Variants in USP6NL observed in about 807,000 individuals in gnomAD.
USP6NL encodes USP6 N-terminal-like protein.
Under a neutral mutation model 61.9 loss-of-function variants are expected in USP6NL, and 26 were observed. That is an observed-to-expected ratio of 0.42 (90% CI 0.31 to 0.58). The LOEUF (loss-of-function observed/expected upper bound fraction) is 0.58, where lower values mean the gene tolerates loss of function less well. Among genes scored for constraint, USP6NL ranks in the 20% least tolerant of loss-of-function variants. The pLI, the probability that USP6NL is intolerant of heterozygous loss-of-function variation, is 0.16. For missense variants in USP6NL, 1,114 were observed against 1,034.3 expected (o/e 1.08, Z -1.06); for synonymous variants, 432 against 390.1 (o/e 1.11, Z -1.27).
chr10:11,492,528 C>A (rs1187469490), intron 8 of USP6NL, among the ~76,000 whole-genome samples: 1 of 152,248 alleles, frequency 6.6e-6, no homozygotes, highest in Non-Finnish European at 1.5e-5. Flanking sequence ...GAGGCCCAGA[C>A]TGTCCTTTCC....
chr10:11,535,380 A>C (rs1345632351), intron 2 of USP6NL, among the ~76,000 whole-genome samples: 2 of 152,232 alleles, frequency 1.3e-5, no homozygotes, highest in African/African-American at 2.4e-5. Flanking sequence ...ACTAAGAGAA[A>C]CTTAGAGAAT....
rs1245730370 is a variant in USP6NL at position 11,493,099 on chromosome 10, T to C, written c.494+20A>G. The C allele has an allele frequency of 7.7e-6, 12 of 1,554,904 alleles. No individual in the cohort carries two copies. Among genetic ancestry groups the C allele is most frequent in the Non-Finnish European group, 7.9e-6 (9 of 1,139,036 alleles). On this transcript the variant is annotated intron_variant, in intron 8 of 14. Transcript: ENST00000609104. ...ATTTATAAATGCGATTAACATTTCATAATATTAAACTTTACTCACTTAACA... is the reference window on the plus strand; with the variant it reads ...ATTTATAAATGCGATTAACATTTCACAATATTAAACTTTACTCACTTAACA...
chr10:11,580,891 G>GGAT (rs974166416), intron 2 of USP6NL, among the ~76,000 whole-genome samples: 4 of 152,054 alleles, frequency 2.6e-5, no homozygotes, highest in African/African-American at 9.6e-5. Flanking sequence ...ATGGATGGAT[G>GGAT]GATGGATGGA....
In USP6NL at chr10:11,525,114, T is replaced by A. The variant is rs536253140; in HGVS notation, c.155+272A>T. ...TATTTTTAAAATACAAATTATCCAT[T>A]TGCATTTAACTCTGTTGATTTATTA... On this transcript the variant is annotated intron_variant, in intron 4 of 14. Transcript: ENST00000609104. This position sits in a 1 kb window ranked among gnomAD's most constrained non-coding sequence, Gnocchi z 5.0. Among the ~76,000 whole-genome samples the A allele has an allele frequency of 1.1e-4, 17 of 152,230 alleles. No individual in the cohort carries two copies. Among genetic ancestry groups the A allele is most frequent in the Non-Finnish European group, 2.2e-4 (15 of 68,038 alleles).
chr10:11,477,588 G>A (rs1238812158), intron 14 of USP6NL, among the ~76,000 whole-genome samples: 7 of 152,196 alleles, frequency 4.6e-5, no homozygotes, highest in Non-Finnish European at 8.8e-5. Context: ...CACAGAGAAA[G>A]AAGGAAGGCT....
rs984256817 is a variant in USP6NL at position 11,513,875 on chromosome 10, A to G, written c.196-4200T>C. 1.3e-5 allele frequency among the ~76,000 whole-genome samples: 2 copies of G among 152,170 alleles called. No individual in the cohort carries two copies. The highest frequency in any genetic ancestry group is 2.4e-5 in the African/African-American group (1 of 41,446). ...GCATTGCCTTTGCTGGCAGGTCCCCAAAGTGCCTTGGCCTTTGTCTCTGAT... is the reference window on the plus strand; with the variant it reads ...GCATTGCCTTTGCTGGCAGGTCCCCGAAGTGCCTTGGCCTTTGTCTCTGAT... On this transcript the variant is annotated intron_variant, in intron 5 of 14. Coordinates refer to ENST00000609104, the MANE Select transcript of USP6NL (RefSeq NM_014688.5). This position sits in a 1 kb window ranked among gnomAD's most constrained non-coding sequence, Gnocchi z 4.7.
intron 2 of USP6NL, among the ~76,000 whole-genome samples, chr10:11,588,323 ATATAT>A (rs1838045950): frequency 6.6e-6 from 1 of 152,250 alleles, no homozygotes; most frequent in African/African-American, 2.4e-5. Flanking sequence ...AATAAGGATC[ATATAT>A]TAGATAAGTC....
In USP6NL at chr10:11,562,280, T is replaced by C; in HGVS notation, c.5-34713A>G. ...CCATCTCAAAAAAAAAAAAAAAAAA[T>C]TGCATTCCCAGGACCCCCCTGCAGC... On this transcript the variant is annotated intron_variant, in intron 2 of 14. Coordinates refer to ENST00000609104, the MANE Select transcript of USP6NL (RefSeq NM_014688.5). The surrounding 1 kb of genome is among the most constrained non-coding windows in gnomAD (Gnocchi z 4.8). 2 of 502,904 alleles carry C rather than the reference T, an allele frequency of 4.0e-6. No homozygotes were observed. Among genetic ancestry groups the C allele is most frequent in the Non-Finnish European group, 2.6e-6 (1 of 391,510 alleles). The allele number at this position is 502,904 out of a possible 1,614,324, so 31.2% of individuals were successfully genotyped here. A position where few individuals can be genotyped will look rare whatever the true frequency, so the allele number is the denominator to read the frequency against.
intron 3 of USP6NL, among the ~76,000 whole-genome samples, chr10:11,526,825 T>C (rs907716904): frequency 2.0e-5 from 3 of 152,182 alleles, no homozygotes; most frequent in Non-Finnish European, 4.4e-5. Flanking sequence ...ATAATTGTGA[T>C]TTTCTATAAT....
chr10:11,577,388 A>G (rs925755519), intron 2 of USP6NL, among the ~76,000 whole-genome samples: 29 of 151,726 alleles, frequency 1.9e-4, no homozygotes, highest in African/African-American at 7.0e-4. Flanking sequence ...ATCTTTCATT[A>G]GATTTATTTC....
chr10:11,555,433 A>AAAAAAAAAAAAAATAGATATATAT (rs1275798295), intron 2 of USP6NL, among the ~76,000 whole-genome samples: 1 of 49,040 alleles, frequency 2.0e-5, no homozygotes, highest in Non-Finnish European at 3.4e-5. Context: ...AAAAAAAAAA[A>AAAAAAAAAAAAAATAGATATATAT]ATATATATAT....
intron 2 of USP6NL, among the ~76,000 whole-genome samples, chr10:11,544,277 G>C (rs1490393041): frequency 6.6e-6 from 1 of 152,144 alleles, no homozygotes; most frequent in Non-Finnish European, 1.5e-5. Context: ...GGGGAGGGGA[G>C]CCTTGTCCCC....
At chr10:11,508,686 C>T (rs570589261) in intron 6 of USP6NL, among the ~76,000 whole-genome samples, 114 of 152,308 alleles carry the variant, frequency 7.5e-4, no homozygotes, top group African/African-American at 2.7e-3. Context: ...ACGTAACGAG[C>T]AGTGACGAGA....
Position 11,562,475 on chromosome 10 carries a change from A to G in USP6NL, c.5-34908T>C. The G allele has an allele frequency of 1.0e-6, 1 of 985,354 alleles. No homozygotes were observed. The highest frequency in any genetic ancestry group is 1.2e-6 in the Non-Finnish European group (1 of 829,926). The allele number at this position is 985,354 out of a possible 1,614,324, so 61.0% of individuals were successfully genotyped here. ...TCATCACGTATCTCTGAGGACAAGG[A>G]TTAAGTGTGGCTGAGGAGAAACGTG... is the stretch of plus-strand genomic sequence containing the variant. On this transcript the variant is annotated intron_variant, in intron 2 of 14. Coordinates refer to ENST00000609104, the MANE Select transcript of USP6NL (RefSeq NM_014688.5). This position sits in a 1 kb window ranked among gnomAD's most constrained non-coding sequence, Gnocchi z 4.8.
intron 2 of USP6NL, among the ~76,000 whole-genome samples, chr10:11,531,254 T>A (rs1184199254): frequency 1.3e-5 from 2 of 152,192 alleles, no homozygotes; most frequent in Non-Finnish European, 2.9e-5. Flanking sequence ...TAATTGTAGC[T>A]GAAGAAAAAG....
chr10:11,507,248 G>T (rs140076523), intron 6 of USP6NL, among the ~76,000 whole-genome samples: 49 of 152,302 alleles, frequency 3.2e-4, no homozygotes, highest in Admixed American at 1.1e-3. Context: ...GAGATTAAAG[G>T]ATAGGTGCAA....
chr10:11,578,794 C>A (rs77367589), intron 2 of USP6NL, among the ~76,000 whole-genome samples: 4,847 of 152,240 alleles, frequency 0.032, 113 homozygotes, highest in Non-Finnish European at 0.052. Context: ...TTAAAAGCTA[C>A]AATAAAAACC....
At chr10:11,536,836 C>T (rs1835853859) in intron 2 of USP6NL, among the ~76,000 whole-genome samples, 1 of 152,182 alleles carries the variant, frequency 6.6e-6, no homozygotes, top group Admixed American at 6.5e-5. Flanking sequence ...CATCTTGCTC[C>T]CCCTATTAGC....
chr10:11,489,344 C>A lies in USP6NL; in HGVS notation c.544-122G>T. On this transcript the variant is annotated intron_variant, in intron 9 of 14. Transcript: ENST00000609104. The surrounding 1 kb of genome is among the most constrained non-coding windows in gnomAD (Gnocchi z 5.7). ...TACACACATCATTTAATGGTCCATT[C>A]TAGAGACAAATACTATACTCTTTAC... 5.4e-6 allele frequency: 7 copies of A among 1,298,990 alleles called. No individual in the cohort carries two copies. The highest frequency in any genetic ancestry group is 7.3e-6 in the Non-Finnish European group (7 of 956,372). The allele number at this position is 1,298,990 out of a possible 1,614,324, so 80.5% of individuals were successfully genotyped here. A position where few individuals can be genotyped will look rare whatever the true frequency, so the allele number is the denominator to read the frequency against.
Sources: gnomAD v4.1 joint callset for allele counts (sites outside exome capture counted in the v4.1 genomes callset) on GRCh38, gnomAD v4.1.1 for gene constraint, Gnocchi (gnomAD v3.1) non-coding constraint, MANE v1.5 for transcripts, NCBI Gene and HGNC (gene_info 2026-07-23, HGNC 2026-07-21) for gene names.